Variants in CEP89 observed in about 807,000 individuals in gnomAD.
The protein encoded by CEP89 is centrosomal protein of 89 kDa.
CEP89 carries 95 observed loss-of-function variants against 97.6 expected under a neutral mutation model. The observed-to-expected ratio is 0.97, with a 90% CI of 0.82 to 1.15. CEP89 has a LOEUF of 1.15. Ranked by LOEUF, CEP89 falls within the 50% of genes most tolerant of loss-of-function variation. CEP89 has a pLI of 0.00. For missense variants in CEP89, 869 were observed against 947.7 expected (o/e 0.92, Z 1.09); for synonymous variants, 354 against 349.1 (o/e 1.01, Z -0.16).
At chr19:32,913,091 TA>T (rs1012370238) in intron 14 of CEP89, among the ~76,000 whole-genome samples, 159 of 147,604 alleles carry the variant, frequency 1.1e-3, no homozygotes, top group Non-Finnish European at 1.9e-3. Context: ...TATATAATAA[TA>T]AAAAATATAA....
Position 32,881,849 on chromosome 19 carries a change from C to T in CEP89, c.2130G>A (p.Gln710=), listed in dbSNP as rs747831707. The change falls in exon 18 of 19, where the codon CAG becomes CAA. Residue 710 remains glutamine (Q), a synonymous_variant. Coordinates refer to ENST00000305768, the MANE Select transcript of CEP89 (RefSeq NM_032816.5). The part of the protein sequence containing the change: ...KQEVLDQALQ[Q]NREMEGELEV... ...GCGCAGGGCGCATGCCCCACCTGTT[C>T]TGCTGCAGCGCCTGGTCCAGCACCT... 3 of 1,601,264 alleles carry T rather than the reference C, an allele frequency of 1.9e-6. No individual in the cohort carries two copies. Among genetic ancestry groups the T allele is most frequent in the South Asian group, 2.2e-5 (2 of 89,930 alleles).
intron 16 of CEP89, among the ~76,000 whole-genome samples, chr19:32,892,658 A>C (rs1173415901): frequency 6.9e-6 from 1 of 145,592 alleles, no homozygotes; most frequent in African/African-American, 2.6e-5. Context: ...ATGAGACGAT[A>C]TATTCAAAGG....
chr19:32,929,474 C>T (rs748587839), intron 9 of CEP89, among the ~76,000 whole-genome samples: 8 of 152,026 alleles, frequency 5.3e-5, no homozygotes, highest in East Asian at 1.9e-4. Flanking sequence ...CAGTGGAACA[C>T]GCCTGGAATC....
rs559737494 is a variant in CEP89, at chr19:32,931,904, G to A, written c.887-333C>T. On this transcript the variant is annotated intron_variant, in intron 8 of 18. Transcript: ENST00000305768. ...TGCTTTGAAAAATCATACAGAGGCC[G>A]GGTGCGGTGGCTCACGCCTGTAATC... Among the ~76,000 whole-genome samples, 7 of 152,304 alleles carry A rather than the reference G, an allele frequency of 4.6e-5. No homozygotes were observed. The East Asian group carries it at 5.8e-4, about 13-fold the overall frequency.
chr19:32,897,060 ACT>A (rs1367923572), intron 16 of CEP89, among the ~76,000 whole-genome samples: 1 of 152,194 alleles, frequency 6.6e-6, no homozygotes, highest in Non-Finnish European at 1.5e-5. Context: ...AAAGGGTGAG[ACT>A]CTAGTTTAAA....
chr19:32,901,288 TG>T lies in CEP89; in HGVS notation c.1689del (p.Asn563LysfsTer53), dbSNP rs1969764452. 14 of 1,614,048 alleles carry T rather than the reference TG, an allele frequency of 8.7e-6. No individual in the cohort carries two copies. In the African/African-American group the frequency reaches 1.2e-4, roughly 14 times the overall value. On this transcript the variant is annotated frameshift_variant, in exon 15 of 19. Coordinates refer to ENST00000305768, the MANE Select transcript of CEP89 (RefSeq NM_032816.5). LOFTEE classifies it high-confidence loss of function. ...LLEKNSLTEQ[N>X]KALEAELERA... ...CGTTCAAGTTCGGCTTCCAGTGCTT[TG>T]TTTTGCTCTGTCAAACTGTTCTTCT... is the stretch of plus-strand genomic sequence containing the variant.
chr19:32,956,652 C>T (rs1971055770), intron 3 of CEP89, among the ~76,000 whole-genome samples: 2 of 152,262 alleles, frequency 1.3e-5, no homozygotes, highest in South Asian at 4.1e-4. Flanking sequence ...CAGGTGTGAA[C>T]CACCACACTT....
chr19:32,937,506 C>A (rs1051240199), intron 7 of CEP89, 125 bp downstream of exon 7: 2 of 801,044 alleles, frequency 2.5e-6, no homozygotes, highest in Admixed American at 2.2e-5. Context: ...TCTTTTGAGG[C>A]AAGGGTGAAA....
intron 5 of CEP89, among the ~76,000 whole-genome samples, chr19:32,942,237 C>T (rs2145942900): frequency 6.6e-6 from 1 of 152,158 alleles, no homozygotes; most frequent in East Asian, 1.9e-4. Context: ...CCAAATTAGT[C>T]GGGTGCAGTG....
intron 14 of CEP89, among the ~76,000 whole-genome samples, chr19:32,906,820 T>G (rs1311902736): frequency 1.3e-5 from 2 of 151,880 alleles, no homozygotes; most frequent in African/African-American, 4.8e-5. Context: ...ATTTTGGCTA[T>G]TGTGTGTTTC....
chr19:32,934,831 G>A (rs1196815450), intron 7 of CEP89, among the ~76,000 whole-genome samples: 1 of 152,112 alleles, frequency 6.6e-6, no homozygotes, highest in African/African-American at 2.4e-5. Context: ...GAGCTGATGA[G>A]GCTGGGCCTG....
At chr19:32,881,554 A>G (rs557541483) in intron 18 of CEP89, among the ~76,000 whole-genome samples, 2 of 152,264 alleles carry the variant, frequency 1.3e-5, no homozygotes, top group South Asian at 2.1e-4. Flanking sequence ...AAAGAAAATG[A>G]GACAAAATAA....
At chr19:32,943,403 CT>C (rs1336547356) in intron 5 of CEP89, among the ~76,000 whole-genome samples, 9 of 152,144 alleles carry the variant, frequency 5.9e-5, no homozygotes, top group Admixed American at 5.2e-4. Context: ...ACCATAATCC[CT>C]CGAAACCTTC....
At chr19:32,896,089 C>T (rs565289898) in intron 16 of CEP89, among the ~76,000 whole-genome samples, 7 of 152,224 alleles carry the variant, frequency 4.6e-5, no homozygotes, top group South Asian at 2.1e-4. Flanking sequence ...ACATCAATGA[C>T]GTTTTTCACA....
chr19:32,910,530 A>AT (rs1383606627), intron 14 of CEP89, among the ~76,000 whole-genome samples: 4 of 152,146 alleles, frequency 2.6e-5, no homozygotes, highest in Non-Finnish European at 5.9e-5. Flanking sequence ...TAATAGATTA[A>AT]TTTTAGTATA....
At chr19:32,930,300 T>C (rs576919077) in intron 9 of CEP89, among the ~76,000 whole-genome samples, 1 of 152,112 alleles carries the variant, frequency 6.6e-6, no homozygotes, top group Non-Finnish European at 1.5e-5. Context: ...AGTGCTGGGA[T>C]TACAGGTGTG....
intron 2 of CEP89, among the ~76,000 whole-genome samples, chr19:32,964,040 G>A (rs1971230747): frequency 6.6e-6 from 1 of 151,982 alleles, no homozygotes; most frequent in Admixed American, 6.6e-5. Context: ...TACTGTTGGT[G>A]GGAACATAAA....
At chr19:32,947,885 T>C (rs1970829101) in intron 5 of CEP89, among the ~76,000 whole-genome samples, 1 of 152,080 alleles carries the variant, frequency 6.6e-6, no homozygotes. Context: ...GCTGCAGCCC[T>C]GACCTTCCGA....
chr19:32,939,676 CAAA>C (rs34993676), intron 6 of CEP89, among the ~76,000 whole-genome samples, 178 bp downstream of exon 6: 2 of 119,620 alleles, frequency 1.7e-5, no homozygotes, highest in African/African-American at 3.2e-5. Flanking sequence ...ACCCCCTTCT[CAAA>C]AAAAAAAAAA....
Sources: allele counts gnomAD v4.1 joint callset (sites outside exome capture counted in the v4.1 genomes callset), GRCh38; gene constraint gnomAD v4.1.1; transcripts MANE v1.5; gene names NCBI Gene and HGNC (gene_info 2026-07-23, HGNC 2026-07-21).